The following NEK10 variants were observed in gnomAD, a reference collection of about 807,000 sequenced individuals.
The protein encoded by NEK10 is NIMA related kinase 10, also known as serine/threonine-protein kinase Nek10.
In NEK10, 122 loss-of-function variants were observed where a neutral mutation model predicts 159.8. The observed-to-expected ratio is 0.76, with a 90% CI of 0.66 to 0.89. NEK10 has a LOEUF of 0.89. Ranked by LOEUF, NEK10 falls within the 40% of genes least tolerant of loss-of-function variation. The probability of loss-of-function intolerance (pLI) is 0.00; values close to 1 mark genes in which losing one functional copy is unlikely to be tolerated. For missense variants in NEK10, 1,342 were observed against 1,323.1 expected (o/e 1.01, Z -0.22); for synonymous variants, 466 against 457.1 (o/e 1.02, Z -0.25).
intron 23 of NEK10, chr3:27,214,739 G>A: frequency 1.3e-6 from 1 of 740,926 alleles, no homozygotes; most frequent in Non-Finnish European, 2.5e-6. Context: ...GTATTCCTGA[G>A]GAATAAACAT....
chr3:27,303,677 C>A (rs2044009779), intron 12 of NEK10, among the ~76,000 whole-genome samples: 2 of 152,216 alleles, frequency 1.3e-5, no homozygotes, highest in Admixed American at 6.5e-5. Context: ...AACAAAGCTA[C>A]TGTTCATGTC....
rs181758503 is a variant in NEK10, at chr3:27,132,286, A to C, written c.2971-296T>G. On this transcript the variant is annotated intron_variant, in intron 31 of 35. Coordinates refer to ENST00000691995, the MANE Select transcript of NEK10 (RefSeq NM_001394966.1). ...TTCATTAATTGCACACATATACTGA[A>C]TTTTGTGAAGAACAGTCTTGACACA... Among the ~76,000 whole-genome samples the C allele has an allele frequency of 1.1e-4, 16 of 152,332 alleles. No homozygotes were observed. The East Asian group carries it at 2.3e-3, about 22-fold the overall frequency.
chr3:27,278,707 G>A, intron 22 of NEK10: 1 of 984,420 alleles, frequency 1.0e-6, no homozygotes, highest in South Asian at 4.7e-5. Context: ...TTTGAAAGCA[G>A]AGGAGGCAAG....
chr3:27,316,775 C>CA lies in NEK10; in HGVS notation c.448-2438dup, dbSNP rs1249313366. Among the ~76,000 whole-genome samples, 4 of 72,976 alleles carry CA rather than the reference C, an allele frequency of 5.5e-5. No homozygotes were observed. The Admixed American group carries it at 7.4e-4, about 13-fold the overall frequency. The allele number at this position is 72,976 out of a possible 152,430, so 47.9% of individuals were successfully genotyped here. A position where few individuals can be genotyped will look rare whatever the true frequency, so the allele number is the denominator to read the frequency against. On this transcript the variant is annotated intron_variant, in intron 6 of 35. Coordinates refer to ENST00000691995, the MANE Select transcript of NEK10 (RefSeq NM_001394966.1). ...CAGTGGATGGAATTAGGCATTCTACCAAAAAAAGAAAAAAGAAAAAAAAAG... is the reference window on the plus strand; with the variant it reads ...CAGTGGATGGAATTAGGCATTCTACCAAAAAAAAGAAAAAAGAAAAAAAAAG...
chr3:27,271,318 T>TC (rs944679371), intron 22 of NEK10, among the ~76,000 whole-genome samples: 6 of 152,120 alleles, frequency 3.9e-5, no homozygotes, highest in Non-Finnish European at 7.4e-5. Flanking sequence ...TTGCTATCTT[T>TC]CCCCTTTTAT....
At position 27,308,916 on chromosome 3, in the gene NEK10, C is replaced by T. The variant is rs1052793825; in HGVS notation, c.716+10G>A. On this transcript the variant is annotated intron_variant, in intron 10 of 35. Coordinates refer to ENST00000691995, the MANE Select transcript of NEK10 (RefSeq NM_001394966.1). Reference sequence around the variant, plus strand: ...CAGAACTGGAAAGTATATTAGAATACACTACTTACCTTTCTGCTAAACTAG... The same window carrying T: ...CAGAACTGGAAAGTATATTAGAATATACTACTTACCTTTCTGCTAAACTAG... 1.4e-6 allele frequency: 2 copies of T among 1,444,758 alleles called. No individual in the cohort carries two copies. Among genetic ancestry groups the T allele is most frequent in the South Asian group, 2.4e-5 (2 of 84,720 alleles). 89.5% of individuals were successfully genotyped at this position (1,444,758 alleles called of 1,614,324 possible). A position where few individuals can be genotyped will look rare whatever the true frequency, so the allele number is the denominator to read the frequency against.
At chr3:27,143,462 C>T (rs1378267796) in intron 30 of NEK10, 1 of 761,912 alleles carries the variant, frequency 1.3e-6, no homozygotes, top group South Asian at 1.4e-5. Flanking sequence ...CAAGAATGTG[C>T]CCATCTGTGG....
At chr3:27,160,644 A>T (rs891944289) in intron 30 of NEK10, among the ~76,000 whole-genome samples, 2 of 152,286 alleles carry the variant, frequency 1.3e-5, no homozygotes, top group Admixed American at 6.5e-5. Flanking sequence ...GGTGGCTCAC[A>T]TCTGTAATCC....
intron 23 of NEK10, among the ~76,000 whole-genome samples, chr3:27,223,192 T>C (rs1231970612): frequency 6.6e-6 from 1 of 152,206 alleles, no homozygotes; most frequent in Non-Finnish European, 1.5e-5. Flanking sequence ...TCTGAGCCCT[T>C]GCTTGCTCCC....
At chr3:27,237,753 C>T (rs1186967458) in intron 23 of NEK10, among the ~76,000 whole-genome samples, 1 of 152,024 alleles carries the variant, frequency 6.6e-6, no homozygotes, top group Non-Finnish European at 1.5e-5. Context: ...TCTCAGAAAT[C>T]ACCACTTAAG....
chr3:27,116,825 A>T (rs1439544772), intron 33 of NEK10, among the ~76,000 whole-genome samples: 4 of 151,642 alleles, frequency 2.6e-5, no homozygotes, highest in African/African-American at 9.7e-5. Flanking sequence ...ATTTAATTTA[A>T]TTTTAAGTTC....
At chr3:27,262,683 C>G (rs1159818594) in intron 22 of NEK10, among the ~76,000 whole-genome samples, 1 of 152,222 alleles carries the variant, frequency 6.6e-6, no homozygotes, top group Non-Finnish European at 1.5e-5. Context: ...TCAGCTCCAT[C>G]ATGTCCTTTA....
At chr3:27,121,428 C>T (rs1294897555) in intron 32 of NEK10, among the ~76,000 whole-genome samples, 1 of 152,078 alleles carries the variant, frequency 6.6e-6, no homozygotes, top group Non-Finnish European at 1.5e-5. Context: ...CCCACAATTC[C>T]CATGTGTCAT....
intron 31 of NEK10, among the ~76,000 whole-genome samples, chr3:27,133,700 G>A (rs1013269124): frequency 1.4e-4 from 21 of 152,180 alleles, no homozygotes; most frequent in African/African-American, 3.9e-4. Context: ...CTTGAACCCC[G>A]GAGGTGGAGG....
At chr3:27,277,754 C>T (rs1422145517) in intron 22 of NEK10, among the ~76,000 whole-genome samples, 1 of 152,144 alleles carries the variant, frequency 6.6e-6, no homozygotes, top group African/African-American at 2.4e-5. Context: ...CATATTCTCT[C>T]GGAGGAGGAA....
chr3:27,181,640 G>A (rs1948117619), intron 26 of NEK10, among the ~76,000 whole-genome samples: 1 of 152,088 alleles, frequency 6.6e-6, no homozygotes, highest in Admixed American at 6.5e-5. Flanking sequence ...AAAATAGCCT[G>A]TCTCCCTGTG....
chr3:27,140,904 TA>T (rs969010105), intron 31 of NEK10, among the ~76,000 whole-genome samples: 1 of 151,908 alleles, frequency 6.6e-6, no homozygotes, highest in Non-Finnish European at 1.5e-5. Context: ...CTTCTTTGTC[TA>T]AAAAAAAGAT....
intron 1 of NEK10, among the ~76,000 whole-genome samples, chr3:27,357,867 G>A (rs1233090139): frequency 6.6e-6 from 1 of 152,110 alleles, no homozygotes; most frequent in African/African-American, 2.4e-5. Flanking sequence ...CCAGGAGAGG[G>A]CGAGAGTGAG....
chr3:27,358,731 A>G (rs2048480405), intron 1 of NEK10, among the ~76,000 whole-genome samples: 1 of 152,208 alleles, frequency 6.6e-6, no homozygotes, highest in African/African-American at 2.4e-5. Context: ...TTAGCTACTC[A>G]AAAGATCCTC....
Sources: gnomAD v4.1 joint callset for allele counts (sites outside exome capture counted in the v4.1 genomes callset) on GRCh38, gnomAD v4.1.1 for gene constraint, MANE v1.5 for transcripts, NCBI Gene and HGNC (gene_info 2026-07-23, HGNC 2026-07-21) for gene names.